Variants in DLG2 observed in about 807,000 individuals in gnomAD.
DLG2 encodes disks large homolog 2.
A neutral mutation model predicts 132.5 loss-of-function variants in DLG2; 45 were observed. The ratio of observed to expected loss-of-function variants is 0.34; its 90% CI spans 0.27 to 0.44. The LOEUF (loss-of-function observed/expected upper bound fraction) is 0.44, where lower values mean the gene tolerates loss of function less well. DLG2 is among the 20% of genes least tolerant of loss of function. The pLI is 1.00. For synonymous variants in DLG2, 424 were observed against 419.6 expected (o/e 1.01, Z -0.13); for missense variants, 1,045 against 1,196.9 (o/e 0.87, Z 1.87).
chr11:85,533,458 C>CATATATATATATAT (rs34379979), intron 3 of DLG2, among the ~76,000 whole-genome samples: 2 of 142,150 alleles, frequency 1.4e-5, no homozygotes, highest in African/African-American at 5.1e-5. Context: ...ACATAAAATA[C>CATATATATATATAT]ATATATATAT....
At chr11:85,013,735 T>A (rs1341414010) in intron 6 of DLG2, among the ~76,000 whole-genome samples, 1 of 152,174 alleles carries the variant, frequency 6.6e-6, no homozygotes, top group East Asian at 1.9e-4. Context: ...ATATTCTTTA[T>A]AACTATTTTG....
intron 15 of DLG2, among the ~76,000 whole-genome samples, chr11:83,916,369 G>A (rs1349260051): frequency 6.6e-6 from 1 of 151,932 alleles, no homozygotes; most frequent in African/African-American, 2.4e-5. Context: ...AGGCTGGAGT[G>A]CTGTGGTGTG....
intron 3 of DLG2, among the ~76,000 whole-genome samples, chr11:85,517,360 T>C (rs1455919746): frequency 1.3e-5 from 2 of 152,082 alleles, no homozygotes; most frequent in Non-Finnish European, 1.5e-5. Context: ...GCATTCCCCC[T>C]AAAACTGAAA....
chr11:84,999,661 G>A (rs2058025002), intron 6 of DLG2, among the ~76,000 whole-genome samples: 1 of 152,106 alleles, frequency 6.6e-6, no homozygotes, highest in South Asian at 2.1e-4. Flanking sequence ...CTTCAAAGCA[G>A]CCTGAGTGAT....
intron 11 of DLG2, among the ~76,000 whole-genome samples, chr11:84,045,293 A>C (rs1259658565): frequency 6.6e-6 from 1 of 151,680 alleles, no homozygotes; most frequent in Non-Finnish European, 1.5e-5. Context: ...GTTTACCTTC[A>C]GGTTACCTAT....
At chr11:83,769,350 C>T (rs2094282924) in intron 18 of DLG2, among the ~76,000 whole-genome samples, 1 of 152,108 alleles carries the variant, frequency 6.6e-6, no homozygotes, top group Non-Finnish European at 1.5e-5. Context: ...ATTCATCAAA[C>T]ATTTATTGAC....
At chr11:85,066,934 C>G (rs1397749686) in intron 6 of DLG2, among the ~76,000 whole-genome samples, 1 of 151,634 alleles carries the variant, frequency 6.6e-6, no homozygotes, top group Non-Finnish European at 1.5e-5. Context: ...TAGTTAGAGC[C>G]ATCAGGCAAG....
At chr11:84,609,320 C>T (rs1219912759) in intron 6 of DLG2, among the ~76,000 whole-genome samples, 1 of 151,974 alleles carries the variant, frequency 6.6e-6, no homozygotes, top group Admixed American at 6.6e-5. Flanking sequence ...TGAGTTAATA[C>T]CTATAAAGTA....
chr11:84,714,647 T>TTCTC (rs754541162), intron 6 of DLG2, among the ~76,000 whole-genome samples: 108 of 90,676 alleles, frequency 1.2e-3, no homozygotes, highest in Admixed American at 1.8e-3. Flanking sequence ...CTCTCTCTCT[T>TTCTC]TCTCTCTCTC....
chr11:83,682,307 C>T (rs1326096272), intron 18 of DLG2: 3 of 985,380 alleles, frequency 3.0e-6, no homozygotes, highest in Non-Finnish European at 3.6e-6. Flanking sequence ...CTAGCGGAAC[C>T]TGATGAATTA....
intron 11 of DLG2, among the ~76,000 whole-genome samples, chr11:83,989,446 C>T (rs72947796): frequency 6.6e-6 from 1 of 152,194 alleles, no homozygotes; most frequent in Non-Finnish European, 1.5e-5. Context: ...AAACATGACA[C>T]CAACACTTTG....
chr11:85,384,577 T>G (rs138030658), intron 3 of DLG2, among the ~76,000 whole-genome samples: 1 of 152,188 alleles, frequency 6.6e-6, no homozygotes, highest in Non-Finnish European at 1.5e-5. Flanking sequence ...TTTTTTTGTT[T>G]GTTTGTTTTG....
rs557709045 is a variant in DLG2 at position 85,472,727 on chromosome 11, G to A, written c.40+125930C>T. On this transcript the variant is annotated intron_variant, in intron 3 of 27. Transcript: ENST00000376104. Reference sequence around the variant, plus strand: ...AAAGGCAGGTGCCAAAGGAGCCGCTGTAACAGTATAGCCCCCGTGTACTCC... The same window carrying A: ...AAAGGCAGGTGCCAAAGGAGCCGCTATAACAGTATAGCCCCCGTGTACTCC... Among the ~76,000 whole-genome samples the A allele has an allele frequency of 9.2e-5, 14 of 152,350 alleles. No homozygotes were observed. In the South Asian group the frequency reaches 2.9e-3, roughly 32 times the overall value.
chr11:83,610,209 C>G (rs147274951), intron 19 of DLG2, among the ~76,000 whole-genome samples: 2 of 152,082 alleles, frequency 1.3e-5, no homozygotes, highest in Non-Finnish European at 2.9e-5. Context: ...CAGTGGATGT[C>G]GGACAGGAAG....
At chr11:85,355,259 C>T (rs1480313925) in intron 3 of DLG2, among the ~76,000 whole-genome samples, 1 of 152,042 alleles carries the variant, frequency 6.6e-6, no homozygotes, top group Non-Finnish European at 1.5e-5. Flanking sequence ...ATTTGATTAG[C>T]ACTTTTATTG....
At chr11:84,999,312 C>T (rs961673521) in intron 6 of DLG2, among the ~76,000 whole-genome samples, 1 of 152,104 alleles carries the variant, frequency 6.6e-6, no homozygotes, top group Admixed American at 6.6e-5. Context: ...TTATTCTCTG[C>T]TTAGATTTCC....
chr11:84,333,637 G>A (rs965822791), intron 7 of DLG2, among the ~76,000 whole-genome samples: 2 of 152,050 alleles, frequency 1.3e-5, no homozygotes, highest in Non-Finnish European at 2.9e-5. Context: ...ATCCACAGAA[G>A]AACAGTATTC....
At chr11:83,963,092 C>A in intron 13 of DLG2, 69 bp from the exon 14 acceptor site, 2 of 1,515,724 alleles carry the variant, frequency 1.3e-6, no homozygotes, top group Admixed American at 3.6e-5. Flanking sequence ...TGCTATACTT[C>A]AGAAAAATGT....
chr11:83,581,998 G>A (rs1026806403), intron 19 of DLG2, among the ~76,000 whole-genome samples: 5 of 111,354 alleles, frequency 4.5e-5, no homozygotes, highest in South Asian at 3.1e-4. Flanking sequence ...CTCTGGTTGC[G>A]CAGGCTGGAG....
Sources: allele counts gnomAD v4.1 joint callset (sites outside exome capture counted in the v4.1 genomes callset), GRCh38; gene constraint gnomAD v4.1.1; transcripts MANE v1.5; gene names NCBI Gene and HGNC (gene_info 2026-07-23, HGNC 2026-07-21).